The following GLT8D2 variants were observed in gnomAD, a reference collection of about 807,000 sequenced individuals.
GLT8D2 encodes glycosyltransferase 8 domain-containing protein 2.
GLT8D2 carries 45 observed loss-of-function variants against 44.5 expected under a neutral mutation model. That is an observed-to-expected ratio of 1.01 (90% CI 0.80 to 1.30). The LOEUF (loss-of-function observed/expected upper bound fraction) is 1.30. Ranked by LOEUF, GLT8D2 falls within the 50% of genes most tolerant of loss-of-function variation. The pLI is 0.00. For synonymous variants in GLT8D2, 156 were observed against 157.2 expected (o/e 0.99, Z 0.06); for missense variants, 400 against 430.4 (o/e 0.93, Z 0.62).
chr12:104,047,922 T>C (rs1233903096), intron 1 of GLT8D2, among the ~76,000 whole-genome samples: 1 of 152,236 alleles, frequency 6.6e-6, no homozygotes, highest in Non-Finnish European at 1.5e-5. Context: ...TTTTTGTAAA[T>C]AAAGTTTTGT....
rs765390118 is a variant in GLT8D2 at position 104,057,195 on chromosome 12, G to C, written c.-423+6754C>G. ...CATGGGCAAAAAATTCACATTAAAG[G>C]AATGCTGAAAGATATCTCACAACAT... On this transcript the variant is annotated intron_variant, in intron 1 of 10. Coordinates refer to the GLT8D2 transcript ENST00000548660. Among the ~76,000 whole-genome samples the C allele has an allele frequency of 7.9e-5, 12 of 152,250 alleles. No homozygotes were observed. In the South Asian group the frequency reaches 2.3e-3, roughly 29 times the overall value.
chr12:104,012,573 G>A (rs1876006549), intron 4 of GLT8D2: 2 of 410,654 alleles, frequency 4.9e-6, no homozygotes, highest in Non-Finnish European at 8.6e-6. Context: ...TATGAGCAGG[G>A]ATTGAAGCAT....
chr12:104,016,137 G>A (rs113114573), intron 3 of GLT8D2, among the ~76,000 whole-genome samples: 20 of 152,232 alleles, frequency 1.3e-4, no homozygotes, highest in African/African-American at 4.6e-4. Flanking sequence ...GTGGTGAAAC[G>A]CAGCCATCCT....
upstream of GLT8D2, chr12:104,050,382 C>T (rs185215046): frequency 6.6e-6 from 1 of 152,340 alleles, no homozygotes; most frequent in East Asian, 1.9e-4. Context: ...GAAAGAACAC[C>T]AGTGAAAAAT....
intron 1 of GLT8D2, among the ~76,000 whole-genome samples, chr12:104,037,636 A>C (rs1035387681): frequency 1.2e-4 from 18 of 152,226 alleles, no homozygotes; most frequent in Non-Finnish European, 1.5e-4. Flanking sequence ...CAGGCTCTGA[A>C]ATTGAGGCAA....
At chr12:104,007,371 AT>A (rs1875209820) in intron 4 of GLT8D2, among the ~76,000 whole-genome samples, 1 of 149,570 alleles carries the variant, frequency 6.7e-6, no homozygotes, top group South Asian at 2.1e-4. Flanking sequence ...CTGATATTTC[AT>A]TCAATAAGCA....
upstream of GLT8D2, among the ~76,000 whole-genome samples, chr12:104,050,859 G>A (rs1470340216): frequency 1.4e-5 from 2 of 146,676 alleles, no homozygotes; most frequent in Non-Finnish European, 3.0e-5. Context: ...CTGTCTCCCA[G>A]GCTAGAGTGC....
At chr12:104,006,238 G>GAGGGGGA (rs1874997079) in intron 4 of GLT8D2, among the ~76,000 whole-genome samples, 1 of 131,814 alleles carries the variant, frequency 7.6e-6, no homozygotes, top group Admixed American at 8.0e-5. Context: ...GGGGTGGGGG[G>GAGGGGGA]AGGGGGAAGG....
rs536557830 is a variant in GLT8D2 at position 103,993,549 on chromosome 12, C to T, written c.768-45G>A. On this transcript the variant is annotated intron_variant, in intron 9 of 10. Coordinates refer to ENST00000360814, the MANE Select transcript of GLT8D2 (RefSeq NM_001384711.1). ...AACAACATTTGGCCTGGAGCCCCCA[C>T]AAACTCAGATAAAGTCGAATCTGAT... The T allele has an allele frequency of 2.3e-5, 29 of 1,280,226 alleles. No individual in the cohort carries two copies. The East Asian group carries it at 5.9e-4, about 26-fold the overall frequency. 79.3% of individuals were successfully genotyped at this position (1,280,226 alleles called of 1,614,324 possible).
intron 1 of GLT8D2, among the ~76,000 whole-genome samples, chr12:104,044,736 G>C (rs1011202409): frequency 1.3e-5 from 2 of 152,194 alleles, no homozygotes; most frequent in African/African-American, 4.8e-5. Flanking sequence ...TAACTTTTTT[G>C]TTGTTCGATA....
At position 104,045,958 on chromosome 12, in the gene GLT8D2, T is replaced by TAAGAAAGAAAGAAAGAAAGA. The variant is rs141480385; in HGVS notation, c.-164+3917_-164+3936dup. 1.1e-4 allele frequency among the ~76,000 whole-genome samples: 14 copies of TAAGAAAGAAAGAAAGAAAGA among 132,768 alleles called. No homozygotes were observed. In the East Asian group the frequency reaches 1.1e-3, roughly 10 times the overall value. 87.1% of individuals were successfully genotyped at this position (132,768 alleles called of 152,430 possible). ...AAGAAAAAGAAAGAAAGAAAGAAAA[T>TAAGAAAGAAAGAAAGAAAGA]AAGAAAGAAAGAAAGAAAGAAAGTG... On this transcript the variant is annotated intron_variant, in intron 1 of 10. Coordinates refer to ENST00000360814, the MANE Select transcript of GLT8D2 (RefSeq NM_001384711.1).
chr12:104,052,107 A>T (rs1881779370), upstream of GLT8D2, among the ~76,000 whole-genome samples: 1 of 152,226 alleles, frequency 6.6e-6, no homozygotes, highest in African/African-American at 2.4e-5. Context: ...CAGTTTTTCA[A>T]TTAAAATTAG....
Position 104,023,306 on chromosome 12 carries a change from T to A in GLT8D2, c.-163-1815A>T, listed in dbSNP as rs553858807. Among the ~76,000 whole-genome samples, 19 of 152,306 alleles carry A rather than the reference T, an allele frequency of 1.2e-4. No homozygotes were observed. In the South Asian group the frequency reaches 3.5e-3, roughly 28 times the overall value. On this transcript the variant is annotated intron_variant, in intron 1 of 10. Coordinates refer to ENST00000360814, the MANE Select transcript of GLT8D2 (RefSeq NM_001384711.1). ...CAAAACTTAAAATAAAATAAAATTTTAAAAAATTGCTATGCATACTATTTC... is the reference window on the plus strand; with the variant it reads ...CAAAACTTAAAATAAAATAAAATTTAAAAAAATTGCTATGCATACTATTTC...
intron 1 of GLT8D2, among the ~76,000 whole-genome samples, chr12:104,022,027 AAG>A (rs1593550997): frequency 8.1e-6 from 1 of 123,322 alleles, no homozygotes; most frequent in Admixed American, 8.2e-5. Flanking sequence ...GAAGAAAAAG[AAG>A]AAGAAGAAGA....
chr12:104,062,605 A>AT, intron 1 of GLT8D2, among the ~76,000 whole-genome samples: 1 of 151,858 alleles, frequency 6.6e-6, no homozygotes, highest in Admixed American at 6.6e-5. Context: ...ATTGCTTTCA[A>AT]TTTTTTCTTC....
At chr12:104,021,035 T>C (rs968463913) in intron 2 of GLT8D2, among the ~76,000 whole-genome samples, 2 of 152,242 alleles carry the variant, frequency 1.3e-5, no homozygotes, top group Non-Finnish European at 2.9e-5. Flanking sequence ...GGAATTCTGA[T>C]GGTAAAGGAG....
chr12:104,000,347 A>T (rs1350756898), intron 5 of GLT8D2, among the ~76,000 whole-genome samples: 4 of 152,224 alleles, frequency 2.6e-5, no homozygotes, highest in Non-Finnish European at 5.9e-5. Flanking sequence ...TGACATTAGA[A>T]ATAATGAAAC....
At chr12:104,036,866 C>T (rs1210513895) in intron 1 of GLT8D2, among the ~76,000 whole-genome samples, 1 of 152,186 alleles carries the variant, frequency 6.6e-6, no homozygotes, top group Non-Finnish European at 1.5e-5. Flanking sequence ...ATACATTTTT[C>T]TCAGCACCAC....
chr12:104,055,182 A>G (rs1247822512), upstream of GLT8D2, among the ~76,000 whole-genome samples: 2 of 152,228 alleles, frequency 1.3e-5, no homozygotes, highest in Non-Finnish European at 2.9e-5. Flanking sequence ...GCTCTGCACA[A>G]AAGGGACGAG....
Sources: gnomAD v4.1 joint callset for allele counts (sites outside exome capture counted in the v4.1 genomes callset) on GRCh38, gnomAD v4.1.1 for gene constraint, MANE v1.5 for transcripts, NCBI Gene and HGNC (gene_info 2026-07-23, HGNC 2026-07-21) for gene names.